Variants in MPPED1 observed in about 807,000 individuals in gnomAD.
The protein encoded by MPPED1 is metallophosphoesterase domain containing 1, also known as metallophosphoesterase domain-containing protein 1.
In MPPED1, 16 loss-of-function variants were observed where a neutral mutation model predicts 36.2. That is an observed-to-expected ratio of 0.44 (90% CI 0.30 to 0.67). The LOEUF (loss-of-function observed/expected upper bound fraction) is 0.67, where lower values mean the gene tolerates loss of function less well. MPPED1 is among the 30% of genes least tolerant of loss of function. MPPED1 has a pLI of 0.10. For synonymous variants in MPPED1, 199 were observed against 191.3 expected, an observed-to-expected ratio of 1.04 and a Z score of -0.33; for missense variants, 307 against 453.4, an observed-to-expected ratio of 0.68 and a Z score of 2.93.
intron 6 of MPPED1, among the ~76,000 whole-genome samples, chr22:43,503,348 C>CT (rs922418887): frequency 6.6e-6 from 1 of 152,144 alleles, no homozygotes; most frequent in Non-Finnish European, 1.5e-5. Flanking sequence ...ACAGATGCCT[C>CT]TTTTTTTGCC....
intron 4 of MPPED1, among the ~76,000 whole-genome samples, chr22:43,491,528 A>G (rs1178784797): frequency 1.2e-3 from 108 of 90,098 alleles, no homozygotes; most frequent in Middle Eastern, 0.017. Context: ...AGGTGGTGGT[A>G]GTGATGGTAG....
At chr22:43,457,731 T>C (rs1013918591) in intron 3 of MPPED1, among the ~76,000 whole-genome samples, 1 of 152,216 alleles carries the variant, frequency 6.6e-6, no homozygotes, top group African/African-American at 2.4e-5. Context: ...CTTATAACAA[T>C]CTAGTTTTGA....
At chr22:43,500,074 A>T (rs575431729) in intron 5 of MPPED1, among the ~76,000 whole-genome samples, 2 of 64,966 alleles carry the variant, frequency 3.1e-5, no homozygotes, top group Non-Finnish European at 6.1e-5. Context: ...ATGGTGATGG[A>T]GGTGGTGGTG....
At chr22:43,461,582 T>C (rs1930958190) in intron 3 of MPPED1, among the ~76,000 whole-genome samples, 1 of 152,238 alleles carries the variant, frequency 6.6e-6, no homozygotes, top group African/African-American at 2.4e-5. Context: ...TCTTTGTTTA[T>C]AGCAGCCACA....
chr22:43,458,519 C>T (rs1054106833), intron 3 of MPPED1, among the ~76,000 whole-genome samples: 10 of 152,044 alleles, frequency 6.6e-5, no homozygotes, highest in African/African-American at 2.2e-4. Context: ...CTCCTGACCT[C>T]GTGATCCGCC....
At chr22:43,445,051 A>G (rs1021739326) in intron 3 of MPPED1, among the ~76,000 whole-genome samples, 2 of 152,180 alleles carry the variant, frequency 1.3e-5, no homozygotes, top group African/African-American at 4.8e-5. Flanking sequence ...CCTGGGGGCC[A>G]AAGTGAAGAA....
intron 3 of MPPED1, among the ~76,000 whole-genome samples, chr22:43,435,772 G>T (rs1449242760): frequency 1.3e-5 from 2 of 152,188 alleles, no homozygotes; most frequent in Non-Finnish European, 2.9e-5. Flanking sequence ...CAGGAGAATT[G>T]CTTGAACCTG....
intron 3 of MPPED1, among the ~76,000 whole-genome samples, chr22:43,435,662 GC>G (rs1300601360): frequency 5.9e-5 from 9 of 152,258 alleles, no homozygotes; most frequent in African/African-American, 1.9e-4. Context: ...TTTGAGACCA[GC>G]CTGGCCAACA....
intron 4 of MPPED1, among the ~76,000 whole-genome samples, chr22:43,489,174 G>C (rs1450045085): frequency 6.6e-6 from 1 of 152,112 alleles, no homozygotes; most frequent in East Asian, 1.9e-4. Context: ...ACATGGAGAG[G>C]GTCATTTCAT....
intron 3 of MPPED1, among the ~76,000 whole-genome samples, chr22:43,467,701 C>T (rs892578424): frequency 6.6e-6 from 1 of 152,146 alleles, no homozygotes; most frequent in Non-Finnish European, 1.5e-5. Context: ...ATCGTTATGC[C>T]GTCTCTTTAT....
intron 1 of MPPED1, among the ~76,000 whole-genome samples, chr22:43,420,629 C>T (rs1274918963): frequency 1.3e-5 from 2 of 152,044 alleles, no homozygotes; most frequent in African/African-American, 4.8e-5. Context: ...CTCGAACTCC[C>T]GACCTCAGGT....
intron 3 of MPPED1, among the ~76,000 whole-genome samples, chr22:43,447,883 A>ATATATATATATATTTTT (rs1321289636): frequency 7.4e-5 from 5 of 67,704 alleles, no homozygotes; most frequent in African/African-American, 3.3e-4. Context: ...ATATATATAT[A>ATATATATATATATTTTT]TTTTTTTTTT....
intron 3 of MPPED1, among the ~76,000 whole-genome samples, chr22:43,462,950 A>C (rs970076943): frequency 2.6e-5 from 4 of 152,190 alleles, no homozygotes; most frequent in African/African-American, 9.7e-5. Context: ...CACAAGAGAA[A>C]TATCTGGCAG....
Position 43,502,592 on chromosome 22 carries a change from G to A in MPPED1, c.749-52G>A. 6.8e-7 allele frequency: 1 copy of A among 1,462,186 alleles called. No individual in the cohort carries two copies. The highest frequency in any genetic ancestry group is 9.6e-7 in the Non-Finnish European group (1 of 1,045,970). 90.6% of individuals were successfully genotyped at this position (1,462,186 alleles called of 1,614,324 possible). A position where few individuals can be genotyped will look rare whatever the true frequency, so the allele number is the denominator to read the frequency against. On this transcript the variant is annotated intron_variant, in intron 5 of 6. Transcript: ENST00000443721. The surrounding 1 kb of genome is among the most constrained non-coding windows in gnomAD (Gnocchi z 5.5). Reference sequence around the variant, plus strand: ...AAGCTGCTGCTAGGCGTGGGGCAGTGAGGGGCTGGGACAGACCGCGTCATG... The same window carrying A: ...AAGCTGCTGCTAGGCGTGGGGCAGTAAGGGGCTGGGACAGACCGCGTCATG...
At position 43,502,302 on chromosome 22, in the gene MPPED1, G is replaced by A. The variant is rs1240395968; in HGVS notation, c.749-342G>A. On this transcript the variant is annotated intron_variant, in intron 5 of 6. Coordinates refer to ENST00000443721, the MANE Select transcript of MPPED1 (RefSeq NM_001044370.2). This position sits in a 1 kb window ranked among gnomAD's most constrained non-coding sequence, Gnocchi z 5.5. ...CCGTTTGCTGATCTCTGCGGTGGGC[G>A]GATGCCACCCTTGAGGCCACTCGAG... Among the ~76,000 whole-genome samples, 5 of 152,154 alleles carry A rather than the reference G, an allele frequency of 3.3e-5. No individual in the cohort carries two copies. The highest frequency in any genetic ancestry group is 2.1e-4 in the South Asian group (1 of 4,828).
Position 43,505,637 on chromosome 22 carries a change from C to T in MPPED1, c.*21C>T. On this transcript the variant is annotated 3_prime_UTR_variant, in exon 7 of 7. Transcript: ENST00000443721. ...CCTGACTGCTCCCCACTGCCCCTGC[C>T]CTGCCCGCCCGTGTCAGCTCCACAG... 6.3e-7 allele frequency: 1 copy of T among 1,581,868 alleles called. No homozygotes were observed. Among genetic ancestry groups the T allele is most frequent in the Non-Finnish European group, 8.6e-7 (1 of 1,161,556 alleles).
chr22:43,491,607 T>G (rs1180585432), intron 4 of MPPED1, among the ~76,000 whole-genome samples: 240 of 74,188 alleles, frequency 3.2e-3, no homozygotes, highest in Middle Eastern at 0.01. Context: ...GATGGTGGTG[T>G]TGGTGATGGA....
chr22:43,438,090 C>T (rs2146837769), intron 3 of MPPED1, among the ~76,000 whole-genome samples: 1 of 152,268 alleles, frequency 6.6e-6, no homozygotes, highest in South Asian at 2.1e-4. Flanking sequence ...CCTGGGGTAA[C>T]AGTAGGCCCT....
chr22:43,467,485 G>GAA (rs1931213157), intron 3 of MPPED1, among the ~76,000 whole-genome samples: 1 of 152,202 alleles, frequency 6.6e-6, no homozygotes, highest in Non-Finnish European at 1.5e-5. Context: ...GTGTGTGCTT[G>GAA]GCCGTGTGAA....
Sources: allele counts gnomAD v4.1 joint callset (sites outside exome capture counted in the v4.1 genomes callset), GRCh38; gene constraint gnomAD v4.1.1; non-coding constraint Gnocchi (gnomAD v3.1); transcripts MANE v1.5; gene names NCBI Gene and HGNC (gene_info 2026-07-23, HGNC 2026-07-21).